The following CCDC112 variants were observed in gnomAD, a reference collection of about 807,000 sequenced individuals.
CCDC112 encodes the protein coiled-coil domain containing 112.
CCDC112 carries 40 observed loss-of-function variants against 66.3 expected under a neutral mutation model. The ratio of observed to expected loss-of-function variants is 0.60; its 90% CI spans 0.47 to 0.79. The LOEUF (loss-of-function observed/expected upper bound fraction) is 0.79, where lower values mean the gene tolerates loss of function less well. CCDC112 is among the 30% of genes least tolerant of loss of function. CCDC112 has a pLI of 0.00. For synonymous variants in CCDC112, 214 were observed against 197.2 expected, an observed-to-expected ratio of 1.09 and a Z score of -0.71; for missense variants, 659 against 603.8, an observed-to-expected ratio of 1.09 and a Z score of -0.96.
intron 1 of CCDC112, among the ~76,000 whole-genome samples, chr5:115,292,656 G>C (rs1580811878): frequency 6.6e-6 from 1 of 152,208 alleles, no homozygotes; most frequent in East Asian, 1.9e-4. Flanking sequence ...GTTGCTGTTT[G>C]TTTGGTCACT....
intron 1 of CCDC112, among the ~76,000 whole-genome samples, chr5:115,288,288 A>G (rs760030321): frequency 1.2e-4 from 19 of 152,180 alleles, no homozygotes; most frequent in Non-Finnish European, 2.4e-4. Flanking sequence ...GCCACCATGT[A>G]CTTTTAAAAG....
intron 2 of CCDC112, among the ~76,000 whole-genome samples, chr5:115,282,836 A>T (rs73780094): frequency 0.011 from 1,620 of 152,170 alleles, 25 homozygotes; most frequent in African/African-American, 0.037. Context: ...TTAAAAATTT[A>T]AAAAAAGATA....
At chr5:115,292,638 T>A (rs770224199) in intron 1 of CCDC112, among the ~76,000 whole-genome samples, 9 of 152,112 alleles carry the variant, frequency 5.9e-5, no homozygotes, top group Non-Finnish European at 1.2e-4. Flanking sequence ...CTTAGCAGGG[T>A]TTGTTTTGTT....
At chr5:115,291,191 G>A (rs547552461) in intron 1 of CCDC112, among the ~76,000 whole-genome samples, 2 of 152,190 alleles carry the variant, frequency 1.3e-5, no homozygotes, top group Non-Finnish European at 2.9e-5. Flanking sequence ...CTATCTTCAT[G>A]AAAGGGTGTT....
In CCDC112 at chr5:115,275,312, T is replaced by G. The variant is rs770457033; in HGVS notation, c.822A>C (p.Glu274Asp). The G allele has an allele frequency of 1.2e-6, 2 of 1,613,838 alleles. No individual in the cohort carries two copies. Among genetic ancestry groups the G allele is most frequent in the African/African-American group, 1.3e-5 (1 of 74,924 alleles). The change falls in exon 6 of 10, where the codon GAA becomes GAC. Residue 274 changes from glutamate to aspartate, a missense_variant. By Grantham distance (45) the Glu-to-Asp change is conservative. Transcript: ENST00000379611. ...KHKGKPTFME[E>D]VLEHLPGKTQ... Reference sequence around the variant, plus strand: ...TTTTTCCAGGAAGGTGTTCTAGAACTTCTTCCATAAATGTTGGCTTCCCTT... The same window carrying G: ...TTTTTCCAGGAAGGTGTTCTAGAACGTCTTCCATAAATGTTGGCTTCCCTT...
chr5:115,271,791 T>G (rs1259216601), intron 6 of CCDC112, among the ~76,000 whole-genome samples, 165 bp from the exon 7 acceptor site: 1 of 152,194 alleles, frequency 6.6e-6, no homozygotes, highest in East Asian at 1.9e-4. Context: ...TTTTTTCTAC[T>G]TCTGTTTTTT....
intron 6 of CCDC112, among the ~76,000 whole-genome samples, chr5:115,274,515 C>T (rs1365798770): frequency 2.6e-5 from 4 of 152,050 alleles, no homozygotes; most frequent in African/African-American, 9.7e-5. Context: ...ATTTTTTCTA[C>T]TGCCTCTTGA....
chr5:115,274,407 G>A (rs1260096452), intron 6 of CCDC112, among the ~76,000 whole-genome samples: 7 of 152,070 alleles, frequency 4.6e-5, no homozygotes, highest in African/African-American at 1.2e-4. Context: ...ACAATCAGGC[G>A]TTATTTTTTT....
intron 1 of CCDC112, among the ~76,000 whole-genome samples, chr5:115,292,664 A>C (rs1338837526): frequency 6.6e-6 from 1 of 152,186 alleles, no homozygotes; most frequent in African/African-American, 2.4e-5. Flanking sequence ...TTGTTTGGTC[A>C]CTTTAAACTA....
chr5:115,275,186 AG>A, intron 6 of CCDC112, 29 bp downstream of exon 6: 1 of 1,515,000 alleles, frequency 6.6e-7, no homozygotes. Flanking sequence ...ATAGAAACAC[AG>A]AATGAATAAT....
chr5:115,269,387 A>G (rs1748905618), intron 8 of CCDC112, among the ~76,000 whole-genome samples: 1 of 152,188 alleles, frequency 6.6e-6, no homozygotes, highest in African/African-American at 2.4e-5. Context: ...GTACTGCAAG[A>G]GAGATTAAGC....
chr5:115,288,191 G>A (rs922332665), intron 1 of CCDC112, among the ~76,000 whole-genome samples: 7 of 152,118 alleles, frequency 4.6e-5, no homozygotes, highest in Non-Finnish European at 1.0e-4. Flanking sequence ...ATGCTGGCCA[G>A]GCTGGTCTCG....
At chr5:115,294,843 T>C (rs1750080620) in intron 1 of CCDC112, among the ~76,000 whole-genome samples, 1 of 152,206 alleles carries the variant, frequency 6.6e-6, no homozygotes, top group Admixed American at 6.5e-5. Flanking sequence ...TATCACAATA[T>C]AGCATGCAGT....
intron 6 of CCDC112, among the ~76,000 whole-genome samples, chr5:115,272,894 T>G (rs1232946334): frequency 6.6e-6 from 1 of 152,188 alleles, no homozygotes; most frequent in African/African-American, 2.4e-5. Context: ...GAATTTGTGT[T>G]AAAACGCAAA....
intron 1 of CCDC112, among the ~76,000 whole-genome samples, chr5:115,291,049 C>T (rs1363941189): frequency 6.6e-6 from 1 of 152,026 alleles, no homozygotes; most frequent in Non-Finnish European, 1.5e-5. Context: ...GACAATTTTG[C>T]CTTGTTCCTG....
intron 1 of CCDC112, chr5:115,295,881 C>A (rs1053550644): frequency 1.7e-4 from 166 of 985,490 alleles, no homozygotes; most frequent in Non-Finnish European, 2.0e-4. Flanking sequence ...GAAAGTCTCG[C>A]TGAGCTGATA....
intron 1 of CCDC112, chr5:115,289,034 G>A: frequency 3.5e-6 from 1 of 289,094 alleles, no homozygotes; most frequent in Non-Finnish European, 6.6e-6. Context: ...TTGCCAGACA[G>A]ACTTGGCTTC....
intron 1 of CCDC112, among the ~76,000 whole-genome samples, chr5:115,286,058 A>G (rs1749661990): frequency 6.6e-6 from 1 of 152,234 alleles, no homozygotes; most frequent in African/African-American, 2.4e-5. Context: ...TGTAATTCAC[A>G]GACCATAAAA....
rs1395654195 is a variant in CCDC112, at chr5:115,271,581, T to C, written c.964A>G (p.Ile322Val). The change falls in exon 7 of 10, where the codon ATT (isoleucine) becomes GTT (valine). Residue 322 changes from isoleucine (I) to valine (V), a missense_variant. Coordinates refer to ENST00000379611, the MANE Select transcript of CCDC112 (RefSeq NM_001040440.3). The stretch of plus-strand genomic sequence containing the variant: ...TCTGCCTTTTCCTTTAACTTGAAAA[T>C]TTCCTCCCTTTTTTGCTGCTTTTTA... ...KTKKQQKREE[I>V]FKLKEKADNT... 1 of 1,555,236 alleles carries C rather than the reference T, an allele frequency of 6.4e-7. No homozygotes were observed. Among genetic ancestry groups the C allele is most frequent in the Non-Finnish European group, 8.6e-7 (1 of 1,158,540 alleles).
Sources: gnomAD v4.1 joint callset for allele counts (sites outside exome capture counted in the v4.1 genomes callset) on GRCh38, gnomAD v4.1.1 for gene constraint, MANE v1.5 for transcripts, NCBI Gene and HGNC (gene_info 2026-07-23, HGNC 2026-07-21) for gene names.